The following DOCK10 variants were observed in gnomAD, a reference collection of about 807,000 sequenced individuals.
DOCK10 encodes dedicator of cytokinesis 10.
DOCK10 carries 145 observed loss-of-function variants against 280.1 expected under a neutral mutation model. The observed-to-expected ratio is 0.52, with a 90% CI of 0.45 to 0.59. DOCK10 has a LOEUF of 0.59. Ranked by LOEUF, DOCK10 falls within the 20% of genes least tolerant of loss-of-function variation. DOCK10 has a pLI of 0.00. For synonymous variants in DOCK10, 915 were observed against 942.2 expected (o/e 0.97, Z 0.53); for missense variants, 2,368 against 2,651.7 (o/e 0.89, Z 2.35).
At chr2:224,946,717 T>C in intron 1 of DOCK10, 1 of 552,968 alleles carries the variant, frequency 1.8e-6, no homozygotes, top group Non-Finnish European at 2.9e-6. Context: ...AGGACCCAAA[T>C]GGAATCTTCT....
At chr2:224,776,299 T>C (rs760711015) in intron 51 of DOCK10, among the ~76,000 whole-genome samples, 8 of 152,322 alleles carry the variant, frequency 5.3e-5, no homozygotes, top group East Asian at 1.9e-4. Context: ...GCGGGTATAA[T>C]TGTAACCATT....
chr2:224,817,528 T>A (rs1694207294), intron 29 of DOCK10, among the ~76,000 whole-genome samples: 1 of 152,164 alleles, frequency 6.6e-6, no homozygotes, highest in Admixed American at 6.6e-5. Context: ...TACTGCCATT[T>A]CAAAAAGGAT....
At chr2:224,963,301 G>C (rs142305628) in intron 1 of DOCK10, among the ~76,000 whole-genome samples, 1 of 152,260 alleles carries the variant, frequency 6.6e-6, no homozygotes, top group Admixed American at 6.5e-5. Context: ...CTCTACATTA[G>C]ACAATAATCC....
At chr2:225,009,611 G>C (rs1056479525) in intron 1 of DOCK10, among the ~76,000 whole-genome samples, 9 of 125,706 alleles carry the variant, frequency 7.2e-5, no homozygotes, top group Admixed American at 1.7e-4. Flanking sequence ...CAGTTGAAGG[G>C]AACAATGACA....
intron 33 of DOCK10, 145 bp downstream of exon 33, chr2:224,807,523 C>A: frequency 5.1e-6 from 3 of 583,794 alleles, no homozygotes; most frequent in Non-Finnish European, 9.2e-6. Flanking sequence ...ACAAATGACA[C>A]ATTGATGTGA....
At chr2:224,862,881 C>A (rs1697612542) in intron 13 of DOCK10, 135 bp from the exon 14 acceptor site, 2 of 489,996 alleles carry the variant, frequency 4.1e-6, no homozygotes, top group Non-Finnish European at 6.9e-6. Context: ...CCCCTATTAC[C>A]TTATAAAGAG....
chr2:224,952,133 T>G (rs192693396), intron 1 of DOCK10, among the ~76,000 whole-genome samples: 44 of 152,342 alleles, frequency 2.9e-4, no homozygotes, highest in African/African-American at 1.0e-3. Context: ...ATGATCAACC[T>G]TAATTTATGA....
At chr2:224,930,560 T>C (rs1331425322) in intron 2 of DOCK10, among the ~76,000 whole-genome samples, 1 of 131,350 alleles carries the variant, frequency 7.6e-6, no homozygotes, top group Non-Finnish European at 1.7e-5. Context: ...CATGAATCCA[T>C]GGAGGAAGGT....
rs762262370 is a variant in DOCK10 at position 224,805,078 on chromosome 2, G to A, written c.4098C>T (p.Ser1366=). ...CTTACTCCAAGATGCTGAAGAAGTC[G>A]GACACCTCTGGGCTGGGAGCTCTCT... The part of the protein sequence containing the change: ...YWQRAPSPEV[S]DFFSILDVCL... Residue 1366 remains serine, a synonymous_variant, in exon 37 of 56, where the codon TCC becomes TCT. Transcript: ENST00000258390. The surrounding 1 kb of genome is among the most constrained non-coding windows in gnomAD (Gnocchi z 4.3). 14 of 1,610,064 alleles carry A rather than the reference G, an allele frequency of 8.7e-6. No individual in the cohort carries two copies. Among genetic ancestry groups the A allele is most frequent in the South Asian group, 6.6e-5 (6 of 90,444 alleles).
At chr2:225,016,549 GCACATAGATACATA>G (rs2106084278) in intron 1 of DOCK10, among the ~76,000 whole-genome samples, 1 of 138,980 alleles carries the variant, frequency 7.2e-6, no homozygotes, top group East Asian at 2.2e-4. Flanking sequence ...ATATCTATAT[GCACATAGATACATA>G]TATCTATGTG....
At chr2:224,921,134 T>TATATATAA (rs1210407698) in intron 2 of DOCK10, among the ~76,000 whole-genome samples, 3 of 109,198 alleles carry the variant, frequency 2.7e-5, no homozygotes, top group African/African-American at 1.3e-4. Context: ...TATATATATA[T>TATATATAA]AATGTATATA....
rs374429396 is a variant in DOCK10 at position 224,796,339 on chromosome 2, C to A, written c.4915G>T (p.Ala1639Ser). 8 of 1,565,384 alleles carry A rather than the reference C, an allele frequency of 5.1e-6. No individual in the cohort carries two copies. Among genetic ancestry groups the A allele is most frequent in the African/African-American group, 2.7e-5 (2 of 73,804 alleles). The change falls in exon 44 of 56, where the codon GCC (alanine) becomes TCC (serine). Residue 1639 changes from alanine (A) to serine (S), a missense_variant. By Grantham distance (99) the Ala-to-Ser change is moderately conservative. This residue lies in a region of DOCK10 where 1,159 missense variants were observed against 1,400.8 expected (regional missense o/e 0.83). Coordinates refer to ENST00000258390, the MANE Select transcript of DOCK10 (RefSeq NM_014689.3). ...ACTTTCATTTGCTTATCTCCATTGG[C>A]GAAATTATTGGTAATTGCAAGCGAA... The part of the protein sequence containing the change: ...QHSLAITNNF[A>S]NGDKQMKNSN...
intron 24 of DOCK10, 59 bp from the exon 25 acceptor site, chr2:224,837,890 G>A: frequency 2.3e-6 from 3 of 1,317,880 alleles, no homozygotes; most frequent in Non-Finnish European, 3.3e-6. Context: ...CCCCGCTTTA[G>A]TTTGTCATTA....
intron 50 of DOCK10, among the ~76,000 whole-genome samples, chr2:224,782,894 AT>A (rs1432295364): frequency 6.6e-6 from 1 of 152,248 alleles, no homozygotes; most frequent in Non-Finnish European, 1.5e-5. Flanking sequence ...TGAATAAGAA[AT>A]CATTTCTGAC....
chr2:224,987,306 G>A (rs1421607132), intron 1 of DOCK10, among the ~76,000 whole-genome samples: 1 of 152,216 alleles, frequency 6.6e-6, no homozygotes, highest in Non-Finnish European at 1.5e-5. Context: ...ACAATTTACA[G>A]GCACAGCAAG....
intron 2 of DOCK10, among the ~76,000 whole-genome samples, chr2:224,926,115 C>T (rs1702032042): frequency 1.3e-5 from 2 of 152,166 alleles, no homozygotes; most frequent in South Asian, 4.1e-4. Context: ...TACATCAATA[C>T]TGCTTATTTT....
At chr2:224,787,454 T>G in intron 48 of DOCK10, 57 bp from the exon 49 acceptor site, 2 of 1,596,704 alleles carry the variant, frequency 1.3e-6, no homozygotes, top group Non-Finnish European at 1.7e-6. Flanking sequence ...GGCTCATGCC[T>G]GAAACTTGGT....
chr2:224,862,798 T>C (rs1437920856), intron 13 of DOCK10, 52 bp from the exon 14 acceptor site: 2 of 1,095,952 alleles, frequency 1.8e-6, no homozygotes, highest in East Asian at 2.6e-5. Context: ...TTATAAACTG[T>C]ACATATAAAA....
intron 3 of DOCK10, among the ~76,000 whole-genome samples, chr2:224,901,917 A>G (rs1044881421): frequency 2.6e-5 from 4 of 152,248 alleles, no homozygotes; most frequent in Non-Finnish European, 5.9e-5. Flanking sequence ...TTAAAAGGAC[A>G]TATCAACTCC....
Sources: allele counts gnomAD v4.1 joint callset (sites outside exome capture counted in the v4.1 genomes callset), GRCh38; gene constraint gnomAD v4.1.1; regional missense constraint gnomAD v4.1.1; non-coding constraint Gnocchi (gnomAD v3.1); transcripts MANE v1.5; gene names NCBI Gene and HGNC (gene_info 2026-07-23, HGNC 2026-07-21).